ANAPC10: variants seen among roughly 807,000 people sequenced by gnomAD.
ANAPC10 encodes anaphase-promoting complex subunit 10.
Under a neutral mutation model 22.0 loss-of-function variants are expected in ANAPC10, and 12 were observed. The ratio of observed to expected loss-of-function variants is 0.55; its 90% CI spans 0.35 to 0.88. The LOEUF (loss-of-function observed/expected upper bound fraction) is 0.88, where lower values mean the gene tolerates loss of function less well. Among genes scored for constraint, ANAPC10 ranks in the 40% least tolerant of loss-of-function variants. The pLI is 0.01. For missense variants in ANAPC10, 188 were observed against 220.9 expected, an observed-to-expected ratio of 0.85 and a Z score of 0.94; for synonymous variants, 65 against 69.5, an observed-to-expected ratio of 0.94 and a Z score of 0.32.
In ANAPC10 at chr4:145,023,040, ACAC is replaced by A. The variant is rs370172289; in HGVS notation, c.328-27440_328-27438del. Among the ~76,000 whole-genome samples the A allele has an allele frequency of 1.5e-3, 226 of 152,280 alleles. 1 individual carries two copies. The highest frequency in any genetic ancestry group is 5.1e-3 in the African/African-American group (212 of 41,568). ...TATAACAGCCAGATTATCAAAATAC[ACAC>A]CAATAGTCAAGTGGATAAATTGGAG... On this transcript the variant is annotated intron_variant, in intron 4 of 4. Transcript: ENST00000507656.
intron 4 of ANAPC10, among the ~76,000 whole-genome samples, chr4:145,052,600 T>C (rs929960875): frequency 1.3e-5 from 2 of 152,110 alleles, no homozygotes; most frequent in African/African-American, 4.8e-5. Context: ...GGTTTTCCTA[T>C]TTAAAAAAAA....
chr4:145,039,246 T>G (rs1739126583), intron 4 of ANAPC10, among the ~76,000 whole-genome samples: 1 of 152,252 alleles, frequency 6.6e-6, no homozygotes, highest in South Asian at 2.1e-4. Context: ...ATTTTCAAAC[T>G]AGAATTCCAC....
chr4:145,047,484 C>T (rs1057387129), intron 4 of ANAPC10, among the ~76,000 whole-genome samples: 1 of 152,062 alleles, frequency 6.6e-6, no homozygotes, highest in Non-Finnish European at 1.5e-5. Flanking sequence ...TCCATGCTAC[C>T]GATAATCCTG....
intron 3 of ANAPC10, among the ~76,000 whole-genome samples, chr4:145,065,560 G>A (rs555076529): frequency 6.6e-6 from 1 of 151,986 alleles, no homozygotes; most frequent in African/African-American, 2.4e-5. Context: ...AATGAAGGCT[G>A]GCCTTGGAGA....
At chr4:145,026,740 G>A (rs1316735200) in intron 4 of ANAPC10, among the ~76,000 whole-genome samples, 1 of 8,636 alleles carries the variant, frequency 1.2e-4, no homozygotes, top group Non-Finnish European at 3.5e-4. Flanking sequence ...GAACTCCAAA[G>A]AGAGGCAGTG....
At chr4:145,018,440 CCTAACCA>C (rs1735528643) in intron 4 of ANAPC10, among the ~76,000 whole-genome samples, 1 of 151,916 alleles carries the variant, frequency 6.6e-6, no homozygotes, top group South Asian at 2.1e-4. Context: ...TTGAAACCAG[CCTAACCA>C]ACATGGTGAA....
At chr4:145,068,840 G>A (rs569571540) in intron 3 of ANAPC10, among the ~76,000 whole-genome samples, 1 of 152,314 alleles carries the variant, frequency 6.6e-6, no homozygotes, top group South Asian at 2.1e-4. Flanking sequence ...AACCCAGGAG[G>A]TGGAGGTTGC....
At chr4:145,035,360 A>T (rs1738355963) in intron 4 of ANAPC10, 1 of 152,182 alleles carries the variant, frequency 6.6e-6, no homozygotes, top group Admixed American at 6.5e-5. Context: ...GAATCCCCAA[A>T]CAAGCTCTCA....
At chr4:145,087,521 T>C (rs1417639013) in intron 2 of ANAPC10, among the ~76,000 whole-genome samples, 1 of 152,122 alleles carries the variant, frequency 6.6e-6, no homozygotes, top group Non-Finnish European at 1.5e-5. Flanking sequence ...TAGATACAAA[T>C]GGTCTCTGTA....
chr4:145,062,155 G>C (rs1255424157), intron 4 of ANAPC10, among the ~76,000 whole-genome samples: 1 of 152,004 alleles, frequency 6.6e-6, no homozygotes, highest in Admixed American at 6.6e-5. Flanking sequence ...AGAAGACTAA[G>C]AGCTGATTTA....
chr4:145,029,781 G>T (rs1430208152), intron 4 of ANAPC10, among the ~76,000 whole-genome samples: 1 of 152,148 alleles, frequency 6.6e-6, no homozygotes, highest in East Asian at 1.9e-4. Context: ...TTGGGATGGG[G>T]TAGTGGATTA....
chr4:145,016,634 T>C (rs1484502060), intron 4 of ANAPC10, among the ~76,000 whole-genome samples: 1 of 152,214 alleles, frequency 6.6e-6, no homozygotes, highest in Non-Finnish European at 1.5e-5. Context: ...AAAGTTCATA[T>C]GGAACCAAAA....
At chr4:145,067,032 A>G (rs1743804652) in intron 3 of ANAPC10, among the ~76,000 whole-genome samples, 1 of 139,562 alleles carries the variant, frequency 7.2e-6, no homozygotes, top group Non-Finnish European at 1.7e-5. Flanking sequence ...CAGAAATCGT[A>G]CGTATAATTT....
chr4:145,045,456 G>A (rs1740162549), intron 4 of ANAPC10, among the ~76,000 whole-genome samples: 1 of 152,012 alleles, frequency 6.6e-6, no homozygotes. Context: ...AAAAATATGA[G>A]TAAATTCCCT....
chr4:145,049,467 C>T (rs930461781), intron 4 of ANAPC10, among the ~76,000 whole-genome samples: 7 of 152,216 alleles, frequency 4.6e-5, no homozygotes, highest in African/African-American at 9.7e-5. Flanking sequence ...AGAATGTTCA[C>T]AGCACCTTCA....
intron 1 of ANAPC10, chr4:145,097,266 T>C (rs898132141): frequency 5.6e-6 from 2 of 357,296 alleles, no homozygotes; most frequent in African/African-American, 2.1e-5. Context: ...CCATAGAAGA[T>C]AAGGTCAGGA....
At chr4:145,026,920 C>CATACAT (rs1553966957) in intron 4 of ANAPC10, among the ~76,000 whole-genome samples, 3 of 17,012 alleles carry the variant, frequency 1.8e-4, no homozygotes, top group African/African-American at 2.5e-4. Flanking sequence ...CCTATACATA[C>CATACAT]ATATATATAT....
At chr4:145,027,171 T>A (rs1487645819) in intron 4 of ANAPC10, among the ~76,000 whole-genome samples, 3 of 149,096 alleles carry the variant, frequency 2.0e-5, no homozygotes, top group African/African-American at 7.4e-5. Context: ...ACTCGGCTAA[T>A]TTTTGTATTT....
intron 3 of ANAPC10, among the ~76,000 whole-genome samples, chr4:145,080,721 A>C (rs34196072): frequency 0.24 from 35,916 of 151,844 alleles, 5,317 homozygotes; most frequent in East Asian, 0.45. Context: ...CAGCCTGACC[A>C]ACATGGAGAA....
Sources: allele counts gnomAD v4.1 joint callset (sites outside exome capture counted in the v4.1 genomes callset), GRCh38; gene constraint gnomAD v4.1.1; transcripts MANE v1.5; gene names NCBI Gene and HGNC (gene_info 2026-07-23, HGNC 2026-07-21).